The following IL1R1 variants were observed in gnomAD, a reference collection of about 807,000 sequenced individuals.
IL1R1 encodes the protein interleukin 1 receptor type 1.
IL1R1 carries 22 observed loss-of-function variants against 50.2 expected under a neutral mutation model. The observed-to-expected ratio is 0.44, with a 90% CI of 0.31 to 0.63. The LOEUF is 0.63. IL1R1 is among the 20% of genes least tolerant of loss of function. IL1R1 has a pLI of 0.07. For synonymous variants in IL1R1, 251 were observed against 236.7 expected (o/e 1.06, Z -0.55); for missense variants, 509 against 676.2 (o/e 0.75, Z 2.74).
intron 3 of IL1R1, 131 bp downstream of exon 3, chr2:102,157,916 G>A (rs1684343092): frequency 1.5e-6 from 1 of 657,954 alleles, no homozygotes; most frequent in Non-Finnish European, 2.7e-6. Flanking sequence ...GAGCCTCCTG[G>A]TCATAGACCT....
At chr2:102,087,327 C>T (rs1679472215) in intron 1 of IL1R1, among the ~76,000 whole-genome samples, 1 of 152,134 alleles carries the variant, frequency 6.6e-6, no homozygotes, top group South Asian at 2.1e-4. Context: ...TTAACCATGC[C>T]ACAGCGATCA....
intron 7 of IL1R1, among the ~76,000 whole-genome samples, chr2:102,169,227 T>C (rs1053094456): frequency 2.6e-5 from 4 of 152,270 alleles, no homozygotes; most frequent in African/African-American, 2.4e-5. Context: ...CCAAAGATGG[T>C]AGTCATTCTA....
chr2:102,146,331 T>G lies in IL1R1; in HGVS notation c.-84+3311T>G, dbSNP rs80185124. On this transcript the variant is annotated intron_variant, in intron 1 of 11. Coordinates refer to ENST00000410023, the MANE Select transcript of IL1R1 (RefSeq NM_000877.4). ...TATTTTAAAACACCCCTTTTATAAT[T>G]TTGAAACGATATAATAAAACTTATC... is the stretch of plus-strand genomic sequence containing the variant. Among the ~76,000 whole-genome samples the G allele has an allele frequency of 0.011, 1,617 of 152,272 alleles. 68 individuals are homozygous for G. In the East Asian group the frequency reaches 0.13, roughly 12 times the overall value.
At chr2:102,141,751 T>A (rs945598971), upstream of IL1R1, 1 of 152,186 alleles carries the variant, frequency 6.6e-6, no homozygotes, top group Non-Finnish European at 1.5e-5. Context: ...GGAAGGAAGC[T>A]ATCATCATTT....
upstream of IL1R1, chr2:102,142,127 A>G (rs1682693352): frequency 6.6e-6 from 1 of 152,230 alleles, no homozygotes; most frequent in Non-Finnish European, 1.5e-5. Context: ...CGTAACAGCA[A>G]CAATGAAACC....
At position 102,164,905 on chromosome 2, in the gene IL1R1, C is replaced by A; in HGVS notation, c.193C>A (p.Pro65Thr). Residue 65 changes from proline to threonine, a missense_variant, in exon 4 of 12, where the codon CCT becomes ACT. Transcript: ENST00000410023. ...TTGGTATAAAGATGACAGCAAGACA[C>A]CTGTATCTACAGAACAAGCCTCCAG... ...ITWYKDDSKT[P>T]VSTEQASRIH... 6.2e-7 allele frequency: 1 copy of A among 1,614,082 alleles called. No homozygotes were observed. Among genetic ancestry groups the A allele is most frequent in the Non-Finnish European group, 8.5e-7 (1 of 1,179,968 alleles).
chr2:102,102,290 T>A (rs1002560819), upstream of IL1R1, among the ~76,000 whole-genome samples: 1 of 152,104 alleles, frequency 6.6e-6, no homozygotes, highest in Non-Finnish European at 1.5e-5. Flanking sequence ...TTGCGGTGGA[T>A]CCCTGGTAAC....
intron 1 of IL1R1, among the ~76,000 whole-genome samples, chr2:102,074,657 AG>A (rs1180385679): frequency 6.6e-6 from 1 of 152,188 alleles, no homozygotes; most frequent in Non-Finnish European, 1.5e-5. Flanking sequence ...AAGAATTTGC[AG>A]GCCGTTTAAA....
At chr2:102,172,488 T>C (rs1175392323) in intron 8 of IL1R1, 199 bp from the exon 9 acceptor site, 1 of 1,168,518 alleles carries the variant, frequency 8.6e-7, no homozygotes, top group Non-Finnish European at 1.1e-6. Context: ...CTACTGAGCC[T>C]GTTACTGACA....
At chr2:102,161,237 T>C (rs1023939876) in intron 3 of IL1R1, among the ~76,000 whole-genome samples, 3 of 152,168 alleles carry the variant, frequency 2.0e-5, no homozygotes, top group African/African-American at 7.2e-5. Context: ...ATATAGGGAT[T>C]CCTTGGATAT....
chr2:102,178,615 G>T lies in IL1R1; in HGVS notation c.*1856G>T, dbSNP rs1038459907. On this transcript the variant is annotated 3_prime_UTR_variant, in exon 12 of 12. Transcript: ENST00000410023. The stretch of plus-strand genomic sequence containing the variant: ...CTCCACACTGGCACGTTTGTGAGAA[G>T]AAATGACATTTTGCTAGGAAGTGAC... 2.0e-5 allele frequency: 3 copies of T among 152,236 alleles called. No homozygotes were observed. In the East Asian group the frequency reaches 5.6e-4, roughly 29 times the overall value. 9.4% of individuals were successfully genotyped at this position (152,236 alleles called of 1,614,324 possible).
chr2:102,118,176 AC>A (rs898822578), intron 1 of IL1R1, among the ~76,000 whole-genome samples: 1 of 152,056 alleles, frequency 6.6e-6, no homozygotes, highest in African/African-American at 2.4e-5. Context: ...CTCTGGGAAG[AC>A]CTGGAGGCTG....
chr2:102,137,719 G>A (rs990667657), intron 1 of IL1R1, among the ~76,000 whole-genome samples: 1 of 152,174 alleles, frequency 6.6e-6, no homozygotes, highest in African/African-American at 2.4e-5. Context: ...CAATAAGCCA[G>A]TCCAGATTCA....
At chr2:102,160,015 C>CT (rs1363671752) in intron 3 of IL1R1, among the ~76,000 whole-genome samples, 2 of 152,022 alleles carry the variant, frequency 1.3e-5, no homozygotes, top group African/African-American at 2.4e-5. Flanking sequence ...TTTTTGTTGC[C>CT]TTTATGGAGG....
intron 1 of IL1R1, among the ~76,000 whole-genome samples, chr2:102,085,172 C>T (rs1679380865): frequency 6.6e-6 from 1 of 152,294 alleles, no homozygotes; most frequent in African/African-American, 2.4e-5. Context: ...CCTGCTTCAA[C>T]TCTGTGGATT....
chr2:102,169,407 T>C (rs1685479708), intron 7 of IL1R1, among the ~76,000 whole-genome samples: 1 of 152,252 alleles, frequency 6.6e-6, no homozygotes, highest in Admixed American at 6.5e-5. Flanking sequence ...TAAAAATTAG[T>C]TCCTCTGTCA....
chr2:102,119,274 A>G (rs936477335), intron 1 of IL1R1, among the ~76,000 whole-genome samples: 3 of 152,198 alleles, frequency 2.0e-5, no homozygotes, highest in Non-Finnish European at 4.4e-5. Context: ...TTCTCTGTCC[A>G]TGGAGGGCAT....
chr2:102,073,088 A>G (rs1678805641), intron 1 of IL1R1, among the ~76,000 whole-genome samples: 1 of 152,194 alleles, frequency 6.6e-6, no homozygotes, highest in South Asian at 2.1e-4. Context: ...TGGGGGATCA[A>G]CTATTCGCAA....
chr2:102,087,780 C>T (rs1221416805), intron 1 of IL1R1, among the ~76,000 whole-genome samples: 1 of 149,866 alleles, frequency 6.7e-6, no homozygotes, highest in African/African-American at 2.4e-5. Context: ...TCAATTAAAC[C>T]TCTTTCCTTC....
Sources: allele counts gnomAD v4.1 joint callset (sites outside exome capture counted in the v4.1 genomes callset), GRCh38; gene constraint gnomAD v4.1.1; transcripts MANE v1.5; gene names NCBI Gene and HGNC (gene_info 2026-07-23, HGNC 2026-07-21).